ZC3H12B: variants seen among roughly 807,000 people sequenced by gnomAD.
ZC3H12B encodes probable ribonuclease ZC3H12B.
ZC3H12B carries 7 observed loss-of-function variants against 43.9 expected under a neutral mutation model. That is an observed-to-expected ratio of 0.16 (90% confidence interval 0.09 to 0.30). The LOEUF (loss-of-function observed/expected upper bound fraction) is 0.30, where lower values mean the gene tolerates loss of function less well. Ranked by LOEUF, ZC3H12B falls within the 10% of genes least tolerant of loss-of-function variation. The probability of loss-of-function intolerance (pLI) is 1.00; values close to 1 mark genes in which losing one functional copy is unlikely to be tolerated. For synonymous variants in ZC3H12B, 222 were observed against 241.7 expected, an observed-to-expected ratio of 0.92 and a Z score of 0.76; for missense variants, 475 against 670.2, an observed-to-expected ratio of 0.71 and a Z score of 3.22.
chrX:65,489,460 A>G (rs768598176), intron 1 of ZC3H12B, 51 bp downstream of exon 6: 1 of 1,132,693 alleles, frequency 8.8e-7, no homozygotes, highest in Non-Finnish European at 1.2e-6. Flanking sequence ...CCCTGAGCTC[A>G]TAGAAATTTT....
the ZC3H12B span, among the ~76,000 whole-genome samples, chrX:65,285,589 C>T: frequency 1.3e-4 from 14 of 111,352 alleles, no homozygotes; most frequent in Non-Finnish European, 1.7e-4. Context: ...CAAAAAAATA[C>T]TGCCACCCAA....
intron 2 of ZC3H12B, among the ~76,000 whole-genome samples, chrX:65,383,096 A>T (rs370458698): frequency 1.8e-5 from 2 of 111,799 alleles, no homozygotes; most frequent in South Asian, 7.6e-4. Flanking sequence ...AGAATTGGAA[A>T]AATCTACTTT....
At chrX:65,442,517 C>G (rs1251637758) in intron 3 of ZC3H12B, among the ~76,000 whole-genome samples, 6 of 111,011 alleles carry the variant, frequency 5.4e-5, no homozygotes, top group Non-Finnish European at 9.4e-5. Context: ...ACCAGCCCAG[C>G]CGTCGACCCC....
chrX:65,482,719 G>A (rs1429161279), intron 3 of ZC3H12B, among the ~76,000 whole-genome samples: 1 of 112,138 alleles, frequency 8.9e-6, no homozygotes, highest in Non-Finnish European at 1.9e-5. Flanking sequence ...TTGGACAACA[G>A]AGTGTGTGTA....
intron 3 of ZC3H12B, among the ~76,000 whole-genome samples, chrX:65,450,457 GTA>G (rs766871723): frequency 3.0e-3 from 30 of 10,092 alleles, no homozygotes; most frequent in African/African-American, 0.011. Flanking sequence ...ATACATATAT[GTA>G]TATATATGTG....
the ZC3H12B span, among the ~76,000 whole-genome samples, chrX:65,292,810 C>A: frequency 9.1e-6 from 1 of 110,385 alleles, no homozygotes; most frequent in East Asian, 2.9e-4. Flanking sequence ...CATAGCAAGA[C>A]TTTGTCTCTA....
chrX:65,280,841 A>T, the ZC3H12B span, among the ~76,000 whole-genome samples: 2 of 111,948 alleles, frequency 1.8e-5, no homozygotes, highest in South Asian at 7.3e-4. Flanking sequence ...GAGGTGAAAG[A>T]CTACATGGAC....
At chrX:65,273,627 A>G in the ZC3H12B span, among the ~76,000 whole-genome samples, 2 of 111,936 alleles carry the variant, frequency 1.8e-5, no homozygotes, top group Non-Finnish European at 3.8e-5. Context: ...AGATGAACCC[A>G]AAGACATCCA....
At chrX:65,035,509 G>A in the ZC3H12B span, among the ~76,000 whole-genome samples, 1 of 111,809 alleles carries the variant, frequency 8.9e-6, no homozygotes. Context: ...CTTCTTAGAT[G>A]CCATAGATGC....
the ZC3H12B span, among the ~76,000 whole-genome samples, chrX:65,253,472 G>C: frequency 3.6e-5 from 4 of 112,352 alleles, no homozygotes; most frequent in Non-Finnish European, 7.5e-5. Flanking sequence ...CAGAGGGCTT[G>C]GTGCAGGAAC....
At chrX:65,309,509 C>T in the ZC3H12B span, among the ~76,000 whole-genome samples, 2 of 111,672 alleles carry the variant, frequency 1.8e-5, no homozygotes, top group Middle Eastern at 9.1e-3. Flanking sequence ...AATTAATAGC[C>T]TACCAATCAA....
chrX:65,440,987 T>A (rs1339488540), intron 3 of ZC3H12B, among the ~76,000 whole-genome samples: 1 of 112,560 alleles, frequency 8.9e-6, no homozygotes, highest in African/African-American at 3.2e-5. Context: ...ATGGCTGCCA[T>A]CAAAATTTTT....
chrX:65,451,912 T>C (rs1342472860), intron 3 of ZC3H12B, among the ~76,000 whole-genome samples: 1 of 112,203 alleles, frequency 8.9e-6, no homozygotes, highest in Non-Finnish European at 1.9e-5. Flanking sequence ...AACAAGCCAC[T>C]GAGCTGCTGC....
chrX:65,250,892 G>C, the ZC3H12B span, among the ~76,000 whole-genome samples: 1 of 111,497 alleles, frequency 9.0e-6, no homozygotes, highest in South Asian at 3.8e-4. Context: ...TAGGTTGCCT[G>C]TTCACTCTGA....
chrX:65,251,818 G>A, the ZC3H12B span, among the ~76,000 whole-genome samples: 1 of 111,322 alleles, frequency 9.0e-6, no homozygotes, highest in Non-Finnish European at 1.9e-5. Context: ...TTGCTTATCA[G>A]CTTAAGGAAA....
intron 3 of ZC3H12B, among the ~76,000 whole-genome samples, chrX:65,401,160 C>T (rs2148049576): frequency 9.0e-6 from 1 of 110,562 alleles, no homozygotes; most frequent in Non-Finnish European, 1.9e-5. Context: ...CTCTATACTG[C>T]TGAAAGATGC....
At position 65,398,081 on chromosome X, in the gene ZC3H12B, A is replaced by T. The variant is rs757866425; in HGVS notation, n.296-512A>T. On this transcript the variant is annotated intron_variant and non_coding_transcript_variant, in intron 2 of 5. Transcript: ENST00000617377. ...AGAATTAACTTAACCAAAGAAGTGA[A>T]TTTTTTTTTAAATTAAACATGGATG... Among the ~76,000 whole-genome samples the T allele has an allele frequency of 5.4e-5, 6 of 111,207 alleles. No individual in the cohort carries two copies. In the East Asian group the frequency reaches 1.1e-3, roughly 21 times the overall value.
At chrX:65,082,731 G>A in the ZC3H12B span, among the ~76,000 whole-genome samples, 2 of 110,905 alleles carry the variant, frequency 1.8e-5, no homozygotes, top group South Asian at 7.6e-4. Context: ...AAAATTAGAG[G>A]AAGTAGGGAG....
the ZC3H12B span, among the ~76,000 whole-genome samples, chrX:65,304,399 G>A: frequency 1.8e-5 from 2 of 111,448 alleles, no homozygotes; most frequent in Non-Finnish European, 3.8e-5. Flanking sequence ...AGTGGATCAC[G>A]AGGTCAGGAG....
Sources: gnomAD v4.1 joint callset for allele counts (sites outside exome capture counted in the v4.1 genomes callset) on GRCh38, gnomAD v4.1.1 for gene constraint, MANE v1.5 for transcripts, NCBI Gene and HGNC (gene_info 2026-07-23, HGNC 2026-07-21) for gene names.